DPP10: variants seen among roughly 807,000 people sequenced by gnomAD.
DPP10 encodes the protein inactive dipeptidyl peptidase 10.
A neutral mutation model predicts 120.9 loss-of-function variants in DPP10; 33 were observed. The observed-to-expected ratio is 0.27, with a 90% confidence interval of 0.21 to 0.37. The LOEUF (loss-of-function observed/expected upper bound fraction) is 0.37. Among genes scored for constraint, DPP10 ranks in the 10% least tolerant of loss-of-function variants. DPP10 has a pLI of 1.00. For missense variants in DPP10, 816 were observed against 942.8 expected (o/e 0.87, Z 1.76); for synonymous variants, 337 against 326.1 (o/e 1.03, Z -0.36).
chr2:114,993,580 G>GTGTATATATATATATATATATATATATA (rs71394121), intron 1 of DPP10, among the ~76,000 whole-genome samples: 2 of 97,324 alleles, frequency 2.1e-5, no homozygotes, highest in African/African-American at 3.7e-5. Context: ...GTGTGTGTGT[G>GTGTATATATATATATATATATATATATA]TATATATATA....
At position 115,810,822 on chromosome 2, in the gene DPP10, A is replaced by G. The variant is rs1471221923; in HGVS notation, c.1701-3971A>G. The stretch of plus-strand genomic sequence containing the variant: ...AAGATTTCTGAGACAGAGATAAAAA[A>G]GCAAAATTGTGTAGAAGGCAAATGA... On this transcript the variant is annotated intron_variant, in intron 19 of 25. Transcript: ENST00000410059. Among the ~76,000 whole-genome samples the G allele has an allele frequency of 4.6e-5, 7 of 152,228 alleles. No homozygotes were observed. In the East Asian group the frequency reaches 1.3e-3, roughly 29 times the overall value.
At chr2:115,341,955 A>G (rs1381624914) in intron 2 of DPP10, among the ~76,000 whole-genome samples, 4 of 152,184 alleles carry the variant, frequency 2.6e-5, no homozygotes, top group African/African-American at 9.7e-5. Context: ...TTTTGGGTAA[A>G]TACAAAGGAG....
chr2:114,503,619 A>G (rs1683388763), intron 1 of DPP10, among the ~76,000 whole-genome samples: 1 of 152,190 alleles, frequency 6.6e-6, no homozygotes, highest in African/African-American at 2.4e-5. Flanking sequence ...GGTCCCAAAC[A>G]ATATGTTGTT....
chr2:115,127,568 G>A (rs1269992326), intron 1 of DPP10, among the ~76,000 whole-genome samples: 3 of 152,148 alleles, frequency 2.0e-5, no homozygotes, highest in Non-Finnish European at 4.4e-5. Flanking sequence ...AGATGGGTAA[G>A]ATTAAAAATG....
In DPP10 at chr2:115,415,097, T is replaced by C. The variant is rs559759960; in HGVS notation, c.271+71185T>C. ...CTTATGCTGCAAACTGTGATCCTAT[T>C]GTGATTTTACCCTTACTAGGTGGTT... On this transcript the variant is annotated intron_variant, in intron 3 of 25. Coordinates refer to ENST00000410059, the MANE Select transcript of DPP10 (RefSeq NM_020868.6). Among the ~76,000 whole-genome samples the C allele has an allele frequency of 2.4e-4, 36 of 152,302 alleles. No homozygotes were observed. In the East Asian group the frequency reaches 5.0e-3, roughly 21 times the overall value.
At chr2:114,979,272 A>T (rs992554223) in intron 1 of DPP10, among the ~76,000 whole-genome samples, 9 of 152,094 alleles carry the variant, frequency 5.9e-5, no homozygotes, top group Middle Eastern at 3.4e-3. Context: ...TCTATTTTTT[A>T]AAAAAATTTA....
intron 1 of DPP10, among the ~76,000 whole-genome samples, chr2:115,006,787 C>T (rs1479705807): frequency 6.6e-6 from 1 of 151,972 alleles, no homozygotes; most frequent in African/African-American, 2.4e-5. Context: ...TAACACCCCA[C>T]TGTCAACATT....
intron 12 of DPP10, among the ~76,000 whole-genome samples, chr2:115,767,682 C>T (rs1680958382): frequency 6.6e-6 from 1 of 151,820 alleles, no homozygotes; most frequent in Admixed American, 6.6e-5. Flanking sequence ...AATGGGGTCA[C>T]AGTTGTAGGT....
intron 1 of DPP10, among the ~76,000 whole-genome samples, chr2:114,904,375 T>C (rs1414042898): frequency 1.3e-5 from 2 of 152,206 alleles, no homozygotes; most frequent in Non-Finnish European, 2.9e-5. Flanking sequence ...TAGTGTTTGG[T>C]AGAAGGTAGA....
chr2:114,819,305 G>A (rs1001873685), intron 1 of DPP10, among the ~76,000 whole-genome samples: 1 of 150,804 alleles, frequency 6.6e-6, no homozygotes, highest in Admixed American at 6.6e-5. Context: ...GTGCTATTCT[G>A]ACCTAGCTAC....
intron 9 of DPP10, among the ~76,000 whole-genome samples, chr2:115,743,258 T>A (rs1575654187): frequency 6.6e-6 from 1 of 152,112 alleles, no homozygotes; most frequent in Admixed American, 6.6e-5. Flanking sequence ...AAGATACAAA[T>A]CTGTGATTAG....
At chr2:115,261,857 C>T (rs755276713) in intron 1 of DPP10, among the ~76,000 whole-genome samples, 32 of 152,130 alleles carry the variant, frequency 2.1e-4, no homozygotes, top group Non-Finnish European at 4.0e-4. Context: ...TCCTAAAACA[C>T]GTCACAATCA....
chr2:115,126,967 T>G (rs2050114018), intron 1 of DPP10, among the ~76,000 whole-genome samples: 3 of 152,206 alleles, frequency 2.0e-5, no homozygotes, highest in Non-Finnish European at 4.4e-5. Context: ...TCTATAGACT[T>G]TCCAAACAAC....
At chr2:115,063,156 T>C (rs1180244077) in intron 1 of DPP10, among the ~76,000 whole-genome samples, 1 of 152,218 alleles carries the variant, frequency 6.6e-6, no homozygotes, top group Non-Finnish European at 1.5e-5. Context: ...GTTGAGCTTT[T>C]CTTCATATGT....
At chr2:114,904,775 G>A (rs1693838282) in intron 1 of DPP10, among the ~76,000 whole-genome samples, 2 of 152,134 alleles carry the variant, frequency 1.3e-5, no homozygotes, top group Admixed American at 6.5e-5. Flanking sequence ...GGCTGCAAAT[G>A]TATTCTATCC....
At chr2:115,638,073 G>A (rs1480999203) in intron 5 of DPP10, among the ~76,000 whole-genome samples, 1 of 152,198 alleles carries the variant, frequency 6.6e-6, no homozygotes, top group Admixed American at 6.5e-5. Context: ...CTCTGAATAA[G>A]ATTTGTGAAA....
At chr2:114,757,923 A>C (rs1679933898) in intron 1 of DPP10, among the ~76,000 whole-genome samples, 1 of 152,114 alleles carries the variant, frequency 6.6e-6, no homozygotes, top group Admixed American at 6.6e-5. Context: ...GCAAATACAC[A>C]CAAATACAGT....
At chr2:114,540,483 A>G (rs1364047144) in intron 1 of DPP10, among the ~76,000 whole-genome samples, 1 of 152,216 alleles carries the variant, frequency 6.6e-6, no homozygotes, top group African/African-American at 2.4e-5. Flanking sequence ...AGTAATTCCT[A>G]TAATAATACT....
chr2:115,200,601 G>A (rs780712901), intron 1 of DPP10, among the ~76,000 whole-genome samples: 7 of 152,152 alleles, frequency 4.6e-5, no homozygotes, highest in Non-Finnish European at 1.0e-4. Context: ...ACTTGAGAAG[G>A]TTACAGAATA....
Sources: allele counts gnomAD v4.1 joint callset (sites outside exome capture counted in the v4.1 genomes callset), GRCh38; gene constraint gnomAD v4.1.1; transcripts MANE v1.5; gene names NCBI Gene and HGNC (gene_info 2026-07-23, HGNC 2026-07-21).